MYT1L: variants seen among roughly 807,000 people sequenced by gnomAD.
The protein encoded by MYT1L is myelin transcription factor 1-like protein.
A neutral mutation model predicts 126.7 loss-of-function variants in MYT1L; 12 were observed. That is an observed-to-expected ratio of 0.09 (90% CI 0.06 to 0.15). MYT1L has a LOEUF of 0.15. Ranked by LOEUF, MYT1L falls within the 10% of genes least tolerant of loss-of-function variation. The pLI, the probability that MYT1L is intolerant of heterozygous loss-of-function variation, is 1.00. For synonymous variants in MYT1L, 541 were observed against 604.2 expected, an observed-to-expected ratio of 0.90 and a Z score of 1.53; for missense variants, 979 against 1,585.2, an observed-to-expected ratio of 0.62 and a Z score of 6.49.
In MYT1L at chr2:2,183,245, A is replaced by C. The variant is rs1012522782; in HGVS notation, c.-420-10257T>G. 3.3e-5 allele frequency among the ~76,000 whole-genome samples: 5 copies of C among 152,160 alleles called. No homozygotes were observed. The East Asian group carries it at 9.6e-4, about 29-fold the overall frequency. On this transcript the variant is annotated intron_variant, in intron 2 of 24. Transcript: ENST00000647738. ...AAGAGCCAGGTTGCTGTTTTAGAAC[A>C]GAGAGGAGGGGAAGAGACAGAGAGG...
intron 1 of MYT1L, among the ~76,000 whole-genome samples, chr2:2,306,792 A>G (rs1215293535): frequency 6.6e-6 from 1 of 152,192 alleles, no homozygotes; most frequent in South Asian, 2.1e-4. Flanking sequence ...CTGAGAACCA[A>G]CTATGTCCAA....
At chr2:2,069,013 G>T (rs2074259483) in intron 3 of MYT1L, among the ~76,000 whole-genome samples, 1 of 151,956 alleles carries the variant, frequency 6.6e-6, no homozygotes, top group South Asian at 2.1e-4. Context: ...GCCTGGGGCT[G>T]CAGAGTAAAA....
chr2:2,213,002 G>A (rs2093573865), intron 2 of MYT1L, among the ~76,000 whole-genome samples: 1 of 152,106 alleles, frequency 6.6e-6, no homozygotes, highest in East Asian at 1.9e-4. Flanking sequence ...GCACAGAGTG[G>A]ACTTTATTCT....
At chr2:2,185,994 C>G (rs573695431) in intron 2 of MYT1L, among the ~76,000 whole-genome samples, 1 of 120,106 alleles carries the variant, frequency 8.3e-6, no homozygotes, top group Non-Finnish European at 1.7e-5. Flanking sequence ...GGGGACGCAG[C>G]CAGGCCTTCC....
intron 9 of MYT1L, among the ~76,000 whole-genome samples, chr2:1,937,297 C>T (rs1318426282): frequency 2.0e-5 from 3 of 152,200 alleles, no homozygotes; most frequent in Non-Finnish European, 2.9e-5. Context: ...AAGTTCCTAA[C>T]GTCCGCGGCC....
At position 1,943,404 on chromosome 2, in the gene MYT1L, C is replaced by A; in HGVS notation, c.153-70G>T. The stretch of plus-strand genomic sequence containing the variant: ...TATCTGTGTTACTGTCTTTTAAAAT[C>A]AGACCAATGGGGGCCTTGATCAAGG... On this transcript the variant is annotated intron_variant, in intron 8 of 24. Transcript: ENST00000647738. This position sits in a 1 kb window ranked among gnomAD's most constrained non-coding sequence, Gnocchi z 4.4. The A allele has an allele frequency of 1.4e-6, 2 of 1,447,968 alleles. No homozygotes were observed. Among genetic ancestry groups the A allele is most frequent in the Non-Finnish European group, 1.8e-6 (2 of 1,099,784 alleles). The allele number at this position is 1,447,968 out of a possible 1,614,324, so 89.7% of individuals were successfully genotyped here.
intron 18 of MYT1L, among the ~76,000 whole-genome samples, chr2:1,868,914 G>T (rs576692271): frequency 6.6e-6 from 1 of 152,214 alleles, no homozygotes; most frequent in South Asian, 2.1e-4. Context: ...GTGGGCTCCC[G>T]GGAGAGGGGA....
chr2:2,308,741 C>A (rs2095901111), intron 1 of MYT1L, among the ~76,000 whole-genome samples: 4 of 151,806 alleles, frequency 2.6e-5, no homozygotes, highest in Admixed American at 2.6e-4. Flanking sequence ...TACCTACACT[C>A]TACCTACACT....
At chr2:2,003,461 C>T (rs1161772789) in intron 4 of MYT1L, among the ~76,000 whole-genome samples, 1 of 152,188 alleles carries the variant, frequency 6.6e-6, no homozygotes, top group Non-Finnish European at 1.5e-5. Context: ...CTCTCAGCCT[C>T]CCAGTGCCTC....
chr2:1,870,733 A>G (rs1370556685), intron 18 of MYT1L, among the ~76,000 whole-genome samples: 1 of 152,230 alleles, frequency 6.6e-6, no homozygotes, highest in Non-Finnish European at 1.5e-5. Context: ...ACACTGAAAA[A>G]TGTTAATCAA....
chr2:2,072,620 G>C (rs1244414909), intron 3 of MYT1L, among the ~76,000 whole-genome samples: 1 of 152,136 alleles, frequency 6.6e-6, no homozygotes, highest in African/African-American at 2.4e-5. Flanking sequence ...CTGTGTCCCC[G>C]CGCAAATCCG....
intron 2 of MYT1L, among the ~76,000 whole-genome samples, chr2:2,260,086 A>G (rs1273126629): frequency 6.6e-6 from 1 of 152,180 alleles, no homozygotes; most frequent in African/African-American, 2.4e-5. Flanking sequence ...TATCCACGCC[A>G]TTCCTTAGTG....
intron 1 of MYT1L, among the ~76,000 whole-genome samples, chr2:2,292,534 A>G (rs1438771091): frequency 6.6e-6 from 1 of 152,096 alleles, no homozygotes; most frequent in Non-Finnish European, 1.5e-5. Flanking sequence ...CTGCAAACCC[A>G]GAGGTGGTTC....
intron 3 of MYT1L, among the ~76,000 whole-genome samples, chr2:2,168,710 C>A (rs2089548254): frequency 6.6e-6 from 1 of 152,144 alleles, no homozygotes; most frequent in South Asian, 2.1e-4. Flanking sequence ...GGAGAGTGGT[C>A]AGCCCTGAGC....
chr2:1,863,682 A>G (rs952805962), intron 18 of MYT1L, among the ~76,000 whole-genome samples: 4 of 150,340 alleles, frequency 2.7e-5, no homozygotes, highest in Non-Finnish European at 4.4e-5. Flanking sequence ...TGCCGATTGT[A>G]TTCCGACAGT....
intron 11 of MYT1L, among the ~76,000 whole-genome samples, chr2:1,913,274 C>G (rs2052323854): frequency 6.6e-6 from 1 of 152,166 alleles, no homozygotes; most frequent in African/African-American, 2.4e-5. Flanking sequence ...TTGGTATTAG[C>G]TTTATCGCTC....
chr2:2,004,076 T>C (rs1362967291), intron 4 of MYT1L, among the ~76,000 whole-genome samples: 3 of 150,572 alleles, frequency 2.0e-5, no homozygotes, highest in African/African-American at 5.0e-5. Context: ...CGTTCTTTCC[T>C]GCATATGTTC....
intron 3 of MYT1L, among the ~76,000 whole-genome samples, chr2:2,168,339 C>T (rs978598850): frequency 1.3e-5 from 2 of 152,128 alleles, no homozygotes; most frequent in Admixed American, 6.6e-5. Context: ...AAGTCATAGC[C>T]GAACATAAAA....
chr2:2,081,007 G>C (rs2075767989), intron 3 of MYT1L, among the ~76,000 whole-genome samples: 1 of 152,154 alleles, frequency 6.6e-6, no homozygotes, highest in African/African-American at 2.4e-5. Context: ...GCTGCTGGGA[G>C]GGCAGAATCA....
Sources: allele counts gnomAD v4.1 joint callset (sites outside exome capture counted in the v4.1 genomes callset), GRCh38; gene constraint gnomAD v4.1.1; non-coding constraint Gnocchi (gnomAD v3.1); transcripts MANE v1.5; gene names NCBI Gene and HGNC (gene_info 2026-07-23, HGNC 2026-07-21).